The following KIAA0930 variants were observed in gnomAD, a reference collection of about 807,000 sequenced individuals.
KIAA0930 encodes KIAA0930.
In KIAA0930, 24 loss-of-function variants were observed where a neutral mutation model predicts 43.9. The observed-to-expected ratio is 0.55, with a 90% CI of 0.40 to 0.77. The LOEUF (loss-of-function observed/expected upper bound fraction) is 0.77, where lower values mean the gene tolerates loss of function less well. Ranked by LOEUF, KIAA0930 falls within the 30% of genes least tolerant of loss-of-function variation. The probability of loss-of-function intolerance (pLI) is 0.00; values close to 1 mark genes in which losing one functional copy is unlikely to be tolerated. For missense variants in KIAA0930, 461 were observed against 574.2 expected (o/e 0.80, Z 2.02); for synonymous variants, 259 against 216.4 (o/e 1.20, Z -1.73).
intron 1 of KIAA0930, among the ~76,000 whole-genome samples, chr22:45,232,510 C>A (rs898621012): frequency 1.3e-5 from 2 of 152,160 alleles, no homozygotes; most frequent in East Asian, 1.9e-4. Context: ...GATTCTTCAC[C>A]CTGTTTGAGA....
At chr22:45,227,958 T>TCCTAGACC (rs1313743636) in intron 1 of KIAA0930, among the ~76,000 whole-genome samples, 3 of 151,898 alleles carry the variant, frequency 2.0e-5, no homozygotes. Context: ...AAACCTGGAA[T>TCCTAGACC]CCTAGACCCC....
At chr22:45,211,329 A>C (rs760910193) in intron 2 of KIAA0930, 1 of 398,662 alleles carries the variant, frequency 2.5e-6, no homozygotes, top group Non-Finnish European at 4.4e-6. Flanking sequence ...AAAACAGAGA[A>C]GGAAGCATGC....
intron 1 of KIAA0930, among the ~76,000 whole-genome samples, chr22:45,229,844 A>C: frequency 6.6e-6 from 1 of 152,218 alleles, no homozygotes; most frequent in Admixed American, 6.5e-5. Context: ...CTGTAATCTC[A>C]ACACTTTGGG....
intron 1 of KIAA0930, among the ~76,000 whole-genome samples, chr22:45,219,421 G>C (rs1407993665): frequency 6.6e-6 from 1 of 151,950 alleles, no homozygotes; most frequent in Admixed American, 6.6e-5. Flanking sequence ...TCCTTTTTTA[G>C]AAAAGGATTA....
rs1491566847 is a variant in KIAA0930, at chr22:45,193,600, TCA to T, written c.*3574_*3575del. On this transcript the variant is annotated 3_prime_UTR_variant, in exon 10 of 10. Coordinates refer to ENST00000336156, the MANE Select transcript of KIAA0930 (RefSeq NM_001009880.2). ...GACTCCGTGTAGAGGGAAGACTAACTCACAGTCCATAAGAATCCAAAAGTGAG... is the reference window on the plus strand; with the variant it reads ...GACTCCGTGTAGAGGGAAGACTAACTCAGTCCATAAGAATCCAAAAGTGAG... 1 of 152,096 alleles carries T rather than the reference TCA, an allele frequency of 6.6e-6. No individual in the cohort carries two copies. Among genetic ancestry groups the T allele is most frequent in the Non-Finnish European group, 1.5e-5 (1 of 68,044 alleles). The allele number at this position is 152,096 out of a possible 1,614,324, so 9.4% of individuals were successfully genotyped here.
intron 1 of KIAA0930, among the ~76,000 whole-genome samples, chr22:45,228,320 T>A (rs945741996): frequency 6.6e-6 from 1 of 152,104 alleles, no homozygotes; most frequent in Admixed American, 6.5e-5. Context: ...TGTGGACCAG[T>A]GAAATGTGTC....
At position 45,212,241 on chromosome 22, in the gene KIAA0930, T is replaced by C. The variant is rs755749755; in HGVS notation, c.65-134A>G. 5.6e-6 allele frequency: 9 copies of C among 1,612,270 alleles called. No individual in the cohort carries two copies. In the South Asian group the frequency reaches 7.7e-5, roughly 14 times the overall value. ...CGAGGGCTCTGAGATGCGCCACCCTTCCCTCACCACTCCCGACCCCCACCC... is the reference window on the plus strand; with the variant it reads ...CGAGGGCTCTGAGATGCGCCACCCTCCCCTCACCACTCCCGACCCCCACCC... On this transcript the variant is annotated intron_variant, in intron 1 of 9. Coordinates refer to ENST00000336156, the MANE Select transcript of KIAA0930 (RefSeq NM_001009880.2).
At chr22:45,228,702 AAC>A (rs2083819366) in intron 1 of KIAA0930, among the ~76,000 whole-genome samples, 1 of 65,082 alleles carries the variant, frequency 1.5e-5, no homozygotes, top group African/African-American at 6.0e-5. Context: ...CCACCCCCCC[AAC>A]CACCAAACAC....
chr22:45,202,917 G>C, intron 7 of KIAA0930, 73 bp downstream of exon 7: 1 of 1,321,972 alleles, frequency 7.6e-7, no homozygotes, highest in Non-Finnish European at 1.0e-6. Flanking sequence ...CCAGGGGGCC[G>C]TGAGCACGGG....
chr22:45,232,372 C>G (rs1392783194), intron 1 of KIAA0930, among the ~76,000 whole-genome samples: 2 of 152,232 alleles, frequency 1.3e-5, no homozygotes, highest in Non-Finnish European at 2.9e-5. Context: ...AATACAAAGC[C>G]CTTTTACATT....
rs1392739082 is a variant in KIAA0930 at position 45,205,689 on chromosome 22, A to T, written c.355T>A (p.Cys119Ser). 4.3e-6 allele frequency: 7 copies of T among 1,614,064 alleles called. No homozygotes were observed. Among genetic ancestry groups the T allele is most frequent in the Non-Finnish European group, 5.9e-6 (7 of 1,180,040 alleles). Reference protein sequence around the residue: ...ILQKLDYMVTCAVCTRADGGD... With the variant: ...ILQKLDYMVTSAVCTRADGGD... ...CCGTCAGCACGTGTGCACACCGCAC[A>T]GGTCACCATGTAGTCCAGCTGGAAG... Residue 119 changes from cysteine (C) to serine (S), a missense_variant, in exon 4 of 10, where the codon TGT becomes AGT. By Grantham distance (112) the Cys-to-Ser change is moderately radical. Coordinates refer to ENST00000336156, the MANE Select transcript of KIAA0930 (RefSeq NM_001009880.2).
rs2083913304 is a variant in KIAA0930 at position 45,240,867 on chromosome 22, CAAACACAGCACCG to C, written c.-177_-165del. 1 of 147,276 alleles carries C rather than the reference CAAACACAGCACCG, an allele frequency of 6.8e-6. No individual in the cohort carries two copies. The highest frequency in any genetic ancestry group is 2.5e-5 in the African/African-American group (1 of 40,706). 9.1% of individuals were successfully genotyped at this position (147,276 alleles called of 1,614,324 possible). On this transcript the variant is annotated 5_prime_UTR_variant, in exon 1 of 10. Coordinates refer to ENST00000336156, the MANE Select transcript of KIAA0930 (RefSeq NM_001009880.2). ...CGCCGCCGCCGCCGCCACCACCCGCCAAACACAGCACCGGCGAGCGCACCTCCGCGCCGCCGCC... is the reference window on the plus strand; with the variant it reads ...CGCCGCCGCCGCCGCCACCACCCGCCGCGAGCGCACCTCCGCGCCGCCGCC...
chr22:45,204,748 C>T (rs2083620898), intron 5 of KIAA0930, among the ~76,000 whole-genome samples: 1 of 150,350 alleles, frequency 6.7e-6, no homozygotes, highest in African/African-American at 2.4e-5. Flanking sequence ...GAGTCTCCTT[C>T]TGCCCAAGCC....
chr22:45,194,877 C>T lies in KIAA0930; in HGVS notation c.*2299G>A, dbSNP rs544410409. The T allele has an allele frequency of 3.7e-4, 57 of 152,370 alleles. No homozygotes were observed. Among genetic ancestry groups the T allele is most frequent in the African/African-American group, 1.3e-3 (52 of 41,570 alleles). 9.4% of individuals were successfully genotyped at this position (152,370 alleles called of 1,614,324 possible). On this transcript the variant is annotated 3_prime_UTR_variant, in exon 10 of 10. Coordinates refer to ENST00000336156, the MANE Select transcript of KIAA0930 (RefSeq NM_001009880.2). ...CCTGGGTTTGACTCCCATCGCCGGCCCCTGCTGTTAGTTCCGGACAGTTCC... is the reference window on the plus strand; with the variant it reads ...CCTGGGTTTGACTCCCATCGCCGGCTCCTGCTGTTAGTTCCGGACAGTTCC...
Position 45,203,881 on chromosome 22 carries a change from G to A in KIAA0930, c.621C>T (p.Ile207=), listed in dbSNP as rs147792295. 2.5e-6 allele frequency: 4 copies of A among 1,613,974 alleles called. No homozygotes were observed. The African/African-American group carries it at 4.0e-5, about 16-fold the overall frequency. ...TFQGVIFQGS[I]RYEALKKVYD... is the part of the protein sequence containing the mutation. ...ACACCTTCTTGAGCGCCTCGTAGCG[G>A]ATGGAGCCCTGAAAGATGACCCCCT... Residue 207 remains isoleucine, a synonymous_variant, in exon 6 of 10, where the codon ATC becomes ATT. Coordinates refer to ENST00000336156, the MANE Select transcript of KIAA0930 (RefSeq NM_001009880.2).
In KIAA0930 at chr22:45,194,091, TG is replaced by T. The variant is rs2083515067; in HGVS notation, c.*3084del. 8.4e-6 allele frequency: 1 copy of T among 118,966 alleles called. No individual in the cohort carries two copies. Among genetic ancestry groups the T allele is most frequent in the Non-Finnish European group, 1.7e-5 (1 of 59,294 alleles). The allele number at this position is 118,966 out of a possible 1,614,324, so 7.4% of individuals were successfully genotyped here. A position where few individuals can be genotyped will look rare whatever the true frequency, so the allele number is the denominator to read the frequency against. ...TTTTTTTTTTTTTTTTTTTTTTTTT[TG>T]AGACAGAGTTTCGCTCTCGTTGCCC... On this transcript the variant is annotated 3_prime_UTR_variant, in exon 10 of 10. Transcript: ENST00000336156.
At chr22:45,198,898 G>A (rs1350774230) in intron 8 of KIAA0930, among the ~76,000 whole-genome samples, 3 of 152,084 alleles carry the variant, frequency 2.0e-5, no homozygotes, top group Admixed American at 6.5e-5. Flanking sequence ...TGATCCACCC[G>A]CCTCGGTCTC....
intron 6 of KIAA0930, 116 bp downstream of exon 6, chr22:45,203,729 G>T: frequency 8.5e-7 from 1 of 1,178,448 alleles, no homozygotes; most frequent in Non-Finnish European, 1.2e-6. Context: ...AGGTACCCCT[G>T]GCGGCCGCTA....
chr22:45,205,879 G>T lies in KIAA0930; in HGVS notation c.250C>A (p.Arg84=), dbSNP rs772855428. 41 of 1,599,646 alleles carry T rather than the reference G, an allele frequency of 2.6e-5. No individual in the cohort carries two copies. Among genetic ancestry groups the T allele is most frequent in the Non-Finnish European group, 3.5e-5 (41 of 1,172,548 alleles). The change falls in exon 3 of 10, where the codon CGG becomes AGG. Residue 84 remains arginine, a synonymous_variant. Coordinates refer to ENST00000336156, the MANE Select transcript of KIAA0930 (RefSeq NM_001009880.2). ...AEPEVEVEVY[R]RDSKKLPGLG... is the part of the protein sequence containing the mutation. The stretch of plus-strand genomic sequence containing the variant: ...CCTGGCAGCTTCTTGGAGTCCCGCC[G>T]GTACACCTCCACCTCCACCTCAGGC...
Sources: allele counts gnomAD v4.1 joint callset (sites outside exome capture counted in the v4.1 genomes callset), GRCh38; gene constraint gnomAD v4.1.1; transcripts MANE v1.5; gene names NCBI Gene and HGNC (gene_info 2026-07-23, HGNC 2026-07-21).